Variants in ITIH2 observed in about 807,000 individuals in gnomAD.
ITIH2 encodes inter-alpha-trypsin inhibitor heavy chain 2, also known as inter-alpha-trypsin inhibitor heavy chain H2.
Under a neutral mutation model 104.4 loss-of-function variants are expected in ITIH2, and 103 were observed. That is an observed-to-expected ratio of 0.99 (90% CI 0.84 to 1.16). ITIH2 has a LOEUF of 1.16. Ranked by LOEUF, ITIH2 falls within the 50% of genes most tolerant of loss-of-function variation. The pLI is 0.00. For missense variants in ITIH2, 1,108 were observed against 1,162.4 expected (o/e 0.95, Z 0.68); for synonymous variants, 436 against 435.4 (o/e 1.00, Z -0.02).
intron 15 of ITIH2, among the ~76,000 whole-genome samples, chr10:7,735,639 C>A (rs1316325597): frequency 2.6e-5 from 4 of 151,576 alleles, no homozygotes; most frequent in Non-Finnish European, 5.9e-5. Context: ...ACTGTCACAT[C>A]ACTGTTTTCT....
Position 7,744,233 on chromosome 10 carries a change from C to T in ITIH2, c.2361C>T (p.Ser787=). The T allele has an allele frequency of 6.2e-7, 1 of 1,614,126 alleles. No individual in the cohort carries two copies. Among genetic ancestry groups the T allele is most frequent in the South Asian group, 1.1e-5 (1 of 91,064 alleles). The change falls in exon 18 of 21, where the codon AGC becomes AGT. Residue 787 remains serine (S), a synonymous_variant. Transcript: ENST00000358415. ...TETITLSHGS[S]TFSLSWSDTA... ...CCATCACCCTGAGCCATGGTTCTAGCACATTCTCCTTGTCCTGGTCCGACA... is the reference window on the plus strand; with the variant it reads ...CCATCACCCTGAGCCATGGTTCTAGTACATTCTCCTTGTCCTGGTCCGACA...
chr10:7,720,818 C>T, intron 6 of ITIH2, 38 bp from the exon 7 acceptor site: 4 of 1,278,466 alleles, frequency 3.1e-6, no homozygotes, highest in Middle Eastern at 3.7e-4. Context: ...ACTTTAAAGA[C>T]TTTTAATGCT....
intron 5 of ITIH2, 103 bp downstream of exon 5, chr10:7,713,388 C>A: frequency 1.2e-6 from 1 of 845,624 alleles, no homozygotes; most frequent in Non-Finnish European, 1.9e-6. Context: ...GGCACAGCAC[C>A]TGAGCCAATG....
At chr10:7,749,156 C>T (rs1382335776) in intron 20 of ITIH2, 31 bp from the exon 21 acceptor site, 8 of 1,612,128 alleles carry the variant, frequency 5.0e-6, no homozygotes, top group Non-Finnish European at 4.2e-6. Context: ...TGCTCAGTCT[C>T]CCCCTAACCA....
At chr10:7,735,185 C>G in intron 15 of ITIH2, 94 bp downstream of exon 15, 2 of 1,183,732 alleles carry the variant, frequency 1.7e-6, no homozygotes, top group Non-Finnish European at 2.3e-6. Context: ...CCCACCCCAG[C>G]CCACCTCTTG....
In ITIH2 at chr10:7,735,189, C is replaced by T. The variant is rs1212610220; in HGVS notation, c.1957+98C>T. ...CTCCGCTCTCTCCCACCCCAGCCCA[C>T]CTCTTGCTCCCAGCCCTGGGCCCTC... On this transcript the variant is annotated intron_variant, in intron 15 of 20. Transcript: ENST00000358415. 7 of 1,128,496 alleles carry T rather than the reference C, an allele frequency of 6.2e-6. No individual in the cohort carries two copies. In the East Asian group the frequency reaches 7.8e-5, roughly 13 times the overall value. The allele number at this position is 1,128,496 out of a possible 1,614,324, so 69.9% of individuals were successfully genotyped here.
At chr10:7,738,335 G>A (rs1283699274) in intron 15 of ITIH2, among the ~76,000 whole-genome samples, 2 of 135,124 alleles carry the variant, frequency 1.5e-5, no homozygotes, top group African/African-American at 5.5e-5. Flanking sequence ...CCCAGACTTC[G>A]CTCCCCGGCC....
chr10:7,731,271 A>G (rs1430498351), intron 12 of ITIH2, among the ~76,000 whole-genome samples: 6 of 152,314 alleles, frequency 3.9e-5, no homozygotes, highest in Middle Eastern at 3.4e-3. Flanking sequence ...TGACCGTAAC[A>G]GAAAGGGAAA....
intron 15 of ITIH2, among the ~76,000 whole-genome samples, chr10:7,738,225 ATAT>A (rs1195686623): frequency 1.9e-5 from 2 of 107,850 alleles, no homozygotes; most frequent in African/African-American, 7.1e-5. Context: ...ATTCTATATA[ATAT>A]TATATATTAT....
chr10:7,703,529 A>C lies in ITIH2; in HGVS notation c.84+11A>C, dbSNP rs2298319. ...AATGGACTTTCTGAAGTAAGTACTT[A>C]CAGATCACTCCTTGCTGTTGGCTTG... is the stretch of plus-strand genomic sequence containing the variant. On this transcript the variant is annotated intron_variant, in intron 1 of 20. Transcript: ENST00000358415. The C allele has an allele frequency of 0.14, 221,999 of 1,545,992 alleles. 21,396 individuals carry two copies. The highest frequency in any genetic ancestry group is 0.41 in the African/African-American group (30,294 of 73,422).
intron 5 of ITIH2, among the ~76,000 whole-genome samples, chr10:7,714,790 C>A (rs1206801911): frequency 6.6e-6 from 1 of 152,140 alleles, no homozygotes; most frequent in East Asian, 1.9e-4. Flanking sequence ...GTCATCCTGT[C>A]TGGGGGTCCA....
intron 1 of ITIH2, among the ~76,000 whole-genome samples, chr10:7,704,176 T>C (rs1238715779): frequency 1.3e-5 from 2 of 152,360 alleles, no homozygotes; most frequent in Non-Finnish European, 1.5e-5. Context: ...CAAGAGCTAT[T>C]TTTATGCCAG....
At position 7,741,163 on chromosome 10, in the gene ITIH2, ATTGT is replaced by A. The variant is rs1279447006; in HGVS notation, c.2096-1980_2096-1977del. Reference sequence around the variant, plus strand: ...GAGGAAGAAAGAGGATATCATAATGATTGTTTAAGGTTTTTTTTTTTTTTTTTTT... The same window carrying A: ...GAGGAAGAAAGAGGATATCATAATGATTAAGGTTTTTTTTTTTTTTTTTTT... On this transcript the variant is annotated intron_variant, in intron 16 of 20. Coordinates refer to ENST00000358415, the MANE Select transcript of ITIH2 (RefSeq NM_002216.3). Among the ~76,000 whole-genome samples, 5 of 139,958 alleles carry A rather than the reference ATTGT, an allele frequency of 3.6e-5. No homozygotes were observed. In the South Asian group the frequency reaches 7.0e-4, roughly 20 times the overall value. 91.8% of individuals were successfully genotyped at this position (139,958 alleles called of 152,430 possible). A position where few individuals can be genotyped will look rare whatever the true frequency, so the allele number is the denominator to read the frequency against.
At chr10:7,712,168 T>C (rs12266629) in intron 4 of ITIH2, among the ~76,000 whole-genome samples, 2,015 of 152,294 alleles carry the variant, frequency 0.013, 39 homozygotes, top group African/African-American at 0.041. Context: ...GGGTAGATTA[T>C]AAACAACAGA....
chr10:7,744,942 C>A lies in ITIH2; in HGVS notation c.2560C>A (p.Pro854Thr). The A allele has an allele frequency of 6.2e-7, 1 of 1,614,074 alleles. No individual in the cohort carries two copies. Among genetic ancestry groups the A allele is most frequent in the Non-Finnish European group, 8.5e-7 (1 of 1,179,948 alleles). The change falls in exon 19 of 21, where the codon CCT becomes ACT. Residue 854 changes from proline to threonine, a missense_variant. Coordinates refer to ENST00000358415, the MANE Select transcript of ITIH2 (RefSeq NM_002216.3). ...CATACCCCCTACAAACAAGTTCTCA[C>A]CTAAAGCCCACGGACTAATAGGTAA... is the stretch of plus-strand genomic sequence containing the variant. ...IYIPPTNKFS[P>T]KAHGLIGQFM...
At chr10:7,710,571 C>T (rs1221383524) in intron 4 of ITIH2, among the ~76,000 whole-genome samples, 11 of 152,070 alleles carry the variant, frequency 7.2e-5, no homozygotes, top group Non-Finnish European at 1.3e-4. Context: ...TTCTCATCCA[C>T]TTTTGTCTTT....
At position 7,746,909 on chromosome 10, in the gene ITIH2, G is replaced by A. The variant is rs552086463; in HGVS notation, c.2693+205G>A. ...TGCAAATAATGACTGGGTATCTAGGGTCATGCAATGCCAAGATTAACTAAC... is the reference window on the plus strand; with the variant it reads ...TGCAAATAATGACTGGGTATCTAGGATCATGCAATGCCAAGATTAACTAAC... On this transcript the variant is annotated intron_variant, in intron 20 of 20. Transcript: ENST00000358415. 1.3e-4 allele frequency among the ~76,000 whole-genome samples: 13 copies of A among 98,666 alleles called. No individual in the cohort carries two copies. The East Asian group carries it at 3.8e-3, about 29-fold the overall frequency. The allele number at this position is 98,666 out of a possible 152,430, so 64.7% of individuals were successfully genotyped here. A position where few individuals can be genotyped will look rare whatever the true frequency, so the allele number is the denominator to read the frequency against.
At chr10:7,714,660 C>T (rs1265220972) in intron 5 of ITIH2, among the ~76,000 whole-genome samples, 1 of 152,120 alleles carries the variant, frequency 6.6e-6, no homozygotes, top group East Asian at 1.9e-4. Context: ...AAGCGGACAC[C>T]GTCAGCCTCA....
chr10:7,715,470 A>T lies in ITIH2; in HGVS notation c.468-2156A>T, dbSNP rs533511925. On this transcript the variant is annotated intron_variant, in intron 5 of 20. Coordinates refer to ENST00000358415, the MANE Select transcript of ITIH2 (RefSeq NM_002216.3). ...CTTTGTCCATCATTTTGACCACATC[A>T]CCCATTCATTTATTTGTTTATCCAT... Among the ~76,000 whole-genome samples the T allele has an allele frequency of 5.9e-5, 9 of 151,946 alleles. No homozygotes were observed. The East Asian group carries it at 1.5e-3, about 26-fold the overall frequency.
Sources: gnomAD v4.1 joint callset for allele counts (sites outside exome capture counted in the v4.1 genomes callset) on GRCh38, gnomAD v4.1.1 for gene constraint, MANE v1.5 for transcripts, NCBI Gene and HGNC (gene_info 2026-07-23, HGNC 2026-07-21) for gene names.